The following MOB1B variants were observed in gnomAD, a reference collection of about 807,000 sequenced individuals.
MOB1B encodes the protein MOB1 Mps One Binder homolog B.
Under a neutral mutation model 24.4 loss-of-function variants are expected in MOB1B, and 19 were observed. That is an observed-to-expected ratio of 0.78 (90% CI 0.54 to 1.14). MOB1B has a LOEUF of 1.14. Among genes scored for constraint, MOB1B ranks in the 50% most tolerant of loss-of-function variants. The pLI, the probability that MOB1B is intolerant of heterozygous loss-of-function variation, is 0.00. For missense variants in MOB1B, 243 were observed against 259.6 expected, an observed-to-expected ratio of 0.94 and a Z score of 0.44; for synonymous variants, 76 against 82.1, an observed-to-expected ratio of 0.93 and a Z score of 0.40.
intron 4 of MOB1B, chr4:70,976,504 G>T: frequency 4.1e-6 from 4 of 985,150 alleles, no homozygotes; most frequent in Non-Finnish European, 4.8e-6. Context: ...GACTTATCAA[G>T]TAGAAATTGT....
In MOB1B at chr4:70,902,390, C is replaced by T. The variant is rs572370590; in HGVS notation, c.-147C>T. ...TGCCATTGGAACTAGCTGAGCCGAA[C>T]TAGTTGCGGCCACCGAGCAGCCGGC... is the stretch of plus-strand genomic sequence containing the variant. On this transcript the variant is annotated 5_prime_UTR_variant, in exon 1 of 6. Coordinates refer to ENST00000309395, the MANE Select transcript of MOB1B (RefSeq NM_173468.4). The T allele has an allele frequency of 5.2e-4, 405 of 786,096 alleles. No homozygotes were observed. Among genetic ancestry groups the T allele is most frequent in the Admixed American group, 2.7e-3 (136 of 49,770 alleles). 48.7% of individuals were successfully genotyped at this position (786,096 alleles called of 1,614,324 possible). A position where few individuals can be genotyped will look rare whatever the true frequency, so the allele number is the denominator to read the frequency against.
rs116827750 is a variant in MOB1B at position 70,935,293 on chromosome 4, G to A, written c.15-23581G>A. ...CTTCAGATAAGAAAGGGAGTATACCGTGGAACTTCTCAAACCTAGGGAATC... is the reference window on the plus strand; with the variant it reads ...CTTCAGATAAGAAAGGGAGTATACCATGGAACTTCTCAAACCTAGGGAATC... On this transcript the variant is annotated intron_variant, in intron 1 of 5. Transcript: ENST00000309395. 3.3e-3 allele frequency among the ~76,000 whole-genome samples: 503 copies of A among 152,262 alleles called. 3 individuals carry two copies. Among genetic ancestry groups the A allele is most frequent in the African/African-American group, 0.012 (481 of 41,544 alleles).
intron 3 of MOB1B, among the ~76,000 whole-genome samples, chr4:70,970,482 C>T (rs1280696610): frequency 6.6e-6 from 1 of 152,112 alleles, no homozygotes; most frequent in Non-Finnish European, 1.5e-5. Context: ...ATTTCTTACA[C>T]TATTCATATA....
intron 1 of MOB1B, among the ~76,000 whole-genome samples, chr4:70,912,252 C>T (rs1736018302): frequency 6.8e-6 from 1 of 147,434 alleles, no homozygotes; most frequent in Non-Finnish European, 1.5e-5. Flanking sequence ...TGTGAAGTAA[C>T]ATTCTTTTAC....
intron 5 of MOB1B, 138 bp downstream of exon 5, chr4:70,979,429 G>T (rs1018312683): frequency 1.6e-6 from 1 of 609,368 alleles, no homozygotes; most frequent in East Asian, 2.8e-5. Context: ...AGTTTTCCAT[G>T]ATGATAAGGA....
At chr4:70,932,427 T>C in intron 1 of MOB1B, among the ~76,000 whole-genome samples, 1 of 152,182 alleles carries the variant, frequency 6.6e-6, no homozygotes, top group East Asian at 1.9e-4. Context: ...CCACATGAAG[T>C]AGGTAATGCC....
Position 70,979,172 on chromosome 4 carries a change from C to T in MOB1B, c.454C>T (p.Leu152Phe), listed in dbSNP as rs2148904492. The change falls in exon 5 of 6, where the codon CTC becomes TTC. Residue 152 changes from leucine to phenylalanine, a missense_variant. Leu to Phe is a conservative substitution (Grantham distance 22). Transcript: ENST00000309395. Reference protein sequence around the residue: ...KNFMSVAKTILKRLFRVYAHI... With the variant: ...KNFMSVAKTIFKRLFRVYAHI... ...TTTCATGTCTGTGGCAAAAACTATA[C>T]TCAAACGCCTCTTTAGGGTTTATGC... The T allele has an allele frequency of 6.2e-7, 1 of 1,612,924 alleles. No homozygotes were observed. Among genetic ancestry groups the T allele is most frequent in the Non-Finnish European group, 8.5e-7 (1 of 1,179,400 alleles).
At chr4:70,962,143 G>A (rs1482455332) in intron 2 of MOB1B, among the ~76,000 whole-genome samples, 1 of 152,130 alleles carries the variant, frequency 6.6e-6, no homozygotes, top group Non-Finnish European at 1.5e-5. Flanking sequence ...AGGATGGCTC[G>A]AGCCCAGGAG....
In MOB1B at chr4:70,984,047, TAAA is replaced by T. The variant is rs1362142765; in HGVS notation, c.*1994_*1996del. ...TGTATTTGACTTCATATCAATCTAG[TAAA>T]AAAGGAGTTGCAATAGCCAAGTATA... is the stretch of plus-strand genomic sequence containing the variant. On this transcript the variant is annotated 3_prime_UTR_variant, in exon 6 of 6. Coordinates refer to ENST00000309395, the MANE Select transcript of MOB1B (RefSeq NM_173468.4). 6.6e-6 allele frequency: 1 copy of T among 152,556 alleles called. No homozygotes were observed. The highest frequency in any genetic ancestry group is 1.5e-5 in the Non-Finnish European group (1 of 67,970). 9.5% of individuals were successfully genotyped at this position (152,556 alleles called of 1,614,324 possible).
intron 1 of MOB1B, among the ~76,000 whole-genome samples, chr4:70,907,425 GAAA>G (rs928404900): frequency 1.4e-5 from 2 of 147,192 alleles, no homozygotes; most frequent in South Asian, 4.3e-4. Context: ...ATGGAATTCT[GAAA>G]AAAAAAAATT....
intron 5 of MOB1B, among the ~76,000 whole-genome samples, chr4:70,981,228 G>C (rs1263068811): frequency 6.6e-6 from 1 of 152,140 alleles, no homozygotes; most frequent in Non-Finnish European, 1.5e-5. Context: ...CTTCTCTCCA[G>C]TATTTAACTG....
At chr4:70,932,961 G>A (rs1578363978) in intron 1 of MOB1B, among the ~76,000 whole-genome samples, 1 of 152,062 alleles carries the variant, frequency 6.6e-6, no homozygotes, top group East Asian at 1.9e-4. Context: ...CTATATTATT[G>A]TATTAGTCTG....
rs561464306 is a variant in MOB1B, at chr4:70,955,618, G to A, written c.15-3256G>A. 2.4e-4 allele frequency among the ~76,000 whole-genome samples: 36 copies of A among 151,258 alleles called. 1 individual carries two copies. In the South Asian group the frequency reaches 3.6e-3, roughly 15 times the overall value. On this transcript the variant is annotated intron_variant, in intron 1 of 5. Transcript: ENST00000309395. ...CCAGAGTAGCTGGGATTATAGGTGC[G>A]CACCACCATGCCCAGCTAATTTTTG...
intron 4 of MOB1B, 176 bp downstream of exon 4, chr4:70,975,462 A>G: frequency 7.5e-7 from 1 of 1,332,546 alleles, no homozygotes; most frequent in East Asian, 2.9e-5. Context: ...CCAGTGGTAA[A>G]ATAAGCAAGT....
chr4:70,949,486 A>T (rs72854116), intron 1 of MOB1B, among the ~76,000 whole-genome samples: 16,228 of 152,254 alleles, frequency 0.11, 1,906 homozygotes, highest in African/African-American at 0.29. Context: ...GAAAGCGTGG[A>T]TGAAAGCCAA....
At chr4:70,947,541 C>T (rs1737638717) in intron 1 of MOB1B, among the ~76,000 whole-genome samples, 1 of 152,118 alleles carries the variant, frequency 6.6e-6, no homozygotes, top group Non-Finnish European at 1.5e-5. Flanking sequence ...AAGTCCTTAA[C>T]TATGTATGTG....
At chr4:70,973,302 C>T (rs1262472236) in intron 3 of MOB1B, among the ~76,000 whole-genome samples, 2 of 151,322 alleles carry the variant, frequency 1.3e-5, no homozygotes, top group Admixed American at 6.6e-5. Flanking sequence ...TGGTTGTGCC[C>T]GTCTCTTAAG....
intron 1 of MOB1B, among the ~76,000 whole-genome samples, chr4:70,955,300 A>G (rs764227293): frequency 6.6e-6 from 1 of 152,080 alleles, no homozygotes; most frequent in Non-Finnish European, 1.5e-5. Context: ...TCACATCTTC[A>G]GTTGCTGCAG....
intron 1 of MOB1B, among the ~76,000 whole-genome samples, chr4:70,957,488 G>A (rs564107035): frequency 1.3e-5 from 2 of 151,030 alleles, no homozygotes; most frequent in South Asian, 2.1e-4. Flanking sequence ...GGCTGGAGTA[G>A]AGTGGCATGA....
Sources: allele counts gnomAD v4.1 joint callset (sites outside exome capture counted in the v4.1 genomes callset), GRCh38; gene constraint gnomAD v4.1.1; transcripts MANE v1.5; gene names NCBI Gene and HGNC (gene_info 2026-07-23, HGNC 2026-07-21).